MYH15: variants seen among roughly 807,000 people sequenced by gnomAD.
MYH15 encodes the protein myosin-15.
Under a neutral mutation model 240.5 loss-of-function variants are expected in MYH15, and 227 were observed. That is an observed-to-expected ratio of 0.94 (90% confidence interval 0.85 to 1.05). The LOEUF is 1.05. Ranked by LOEUF, MYH15 falls within the 50% of genes least tolerant of loss-of-function variation. The pLI, the probability that MYH15 is intolerant of heterozygous loss-of-function variation, is 0.00. For missense variants in MYH15, 2,217 were observed against 2,247.5 expected, an observed-to-expected ratio of 0.99 and a Z score of 0.27; for synonymous variants, 785 against 796.7, an observed-to-expected ratio of 0.99 and a Z score of 0.25.
At chr3:108,384,807 A>C (rs1421604472) in intron 38 of MYH15, 25 bp from the exon 39 acceptor site, 7 of 1,598,846 alleles carry the variant, frequency 4.4e-6, no homozygotes, top group South Asian at 1.1e-5. Context: ...CATGTATGGG[A>C]AGGTGATTCA....
At chr3:108,436,955 AG>A (rs1337628382) in intron 25 of MYH15, among the ~76,000 whole-genome samples, 15 of 152,234 alleles carry the variant, frequency 9.9e-5, no homozygotes, top group African/African-American at 3.4e-4. Context: ...ACTGACTAGT[AG>A]AACTAAACTG....
chr3:108,443,519 G>A (rs2082901287), intron 22 of MYH15, among the ~76,000 whole-genome samples: 1 of 152,118 alleles, frequency 6.6e-6, no homozygotes, highest in South Asian at 2.1e-4. Flanking sequence ...TAAGTAGAGA[G>A]GAAAGTATTA....
At chr3:108,414,553 A>T in intron 29 of MYH15, 125 bp from the exon 30 acceptor site, 1 of 766,678 alleles carries the variant, frequency 1.3e-6, no homozygotes, top group East Asian at 2.7e-5. Context: ...GCCGAACCTG[A>T]ACCTAGTAAG....
At chr3:108,548,459 G>A in the MYH15 span, among the ~76,000 whole-genome samples, 1 of 152,082 alleles carries the variant, frequency 6.6e-6, no homozygotes, top group Non-Finnish European at 1.5e-5. Context: ...AAGTTTGAAT[G>A]GAACACAGCC....
chr3:108,508,879 C>T (rs967495018), intron 1 of MYH15, among the ~76,000 whole-genome samples: 5 of 152,076 alleles, frequency 3.3e-5, no homozygotes, highest in African/African-American at 7.2e-5. Flanking sequence ...TTTTCCTTCT[C>T]GGGTATCATA....
rs2082336084 is a variant in MYH15 at position 108,380,724 on chromosome 3, C to T, written c.*821G>A. ...GGTCTCTTCTAGCTCCCCTTTTTGG[C>T]CTGGAGTCATATTTTCAAGCTGTCA... On this transcript the variant is annotated 3_prime_UTR_variant, in exon 41 of 41. Transcript: ENST00000693548. 1 of 152,180 alleles carries T rather than the reference C, an allele frequency of 6.6e-6. No homozygotes were observed. The highest frequency in any genetic ancestry group is 2.4e-5 in the African/African-American group (1 of 41,400). The allele number at this position is 152,180 out of a possible 1,614,324, so 9.4% of individuals were successfully genotyped here.
chr3:108,459,179 A>G (rs13091558), intron 18 of MYH15, among the ~76,000 whole-genome samples, 183 bp downstream of exon 18: 35,605 of 152,100 alleles, frequency 0.23, 4,774 homozygotes, highest in Non-Finnish European at 0.3. Context: ...CCTTCTGTAC[A>G]TCCATTTCAA....
At chr3:108,428,361 G>A in intron 27 of MYH15, 131 bp downstream of exon 27, 1 of 1,129,018 alleles carries the variant, frequency 8.9e-7, no homozygotes, top group Non-Finnish European at 1.3e-6. Flanking sequence ...TCCGTCCAAA[G>A]GACTATAGTC....
chr3:108,435,682 T>C (rs185797782), intron 25 of MYH15, among the ~76,000 whole-genome samples: 1 of 121,252 alleles, frequency 8.2e-6, no homozygotes, highest in South Asian at 2.4e-4. Context: ...TGTGTATGTA[T>C]ATTTTATATA....
At chr3:108,508,805 G>A (rs150974416) in intron 1 of MYH15, among the ~76,000 whole-genome samples, 1,954 of 152,094 alleles carry the variant, frequency 0.013, 38 homozygotes, top group African/African-American at 0.045. Context: ...TTTGGCTTTC[G>A]AATGGTGTTT....
chr3:108,517,210 C>T (rs1443529144), intron 1 of MYH15, among the ~76,000 whole-genome samples: 3 of 152,186 alleles, frequency 2.0e-5, no homozygotes, highest in African/African-American at 4.8e-5. Context: ...TATCTCCCAG[C>T]GTTTGCTGGC....
At chr3:108,515,258 T>C (rs780022938), upstream of MYH15, among the ~76,000 whole-genome samples, 15 of 152,168 alleles carry the variant, frequency 9.9e-5, no homozygotes, top group Non-Finnish European at 2.1e-4. Context: ...TTTGCTTGAA[T>C]GGAGTGATGC....
At chr3:108,547,192 C>T in the MYH15 span, among the ~76,000 whole-genome samples, 2 of 151,886 alleles carry the variant, frequency 1.3e-5, no homozygotes, top group South Asian at 2.1e-4. Context: ...TTTGTGGAGA[C>T]GTGTGTCACT....
At chr3:108,445,990 T>G (rs909386342) in intron 21 of MYH15, among the ~76,000 whole-genome samples, 1 of 151,936 alleles carries the variant, frequency 6.6e-6, no homozygotes, top group Non-Finnish European at 1.5e-5. Context: ...AGCTCCAGAC[T>G]CCAGGATGAC....
intron 2 of MYH15, among the ~76,000 whole-genome samples, chr3:108,505,451 G>A (rs769263052): frequency 1.4e-4 from 21 of 151,956 alleles, no homozygotes; most frequent in Non-Finnish European, 2.8e-4. Flanking sequence ...TGTATTTTTT[G>A]TAGATACAGG....
At chr3:108,447,207 G>A (rs2082935723) in intron 21 of MYH15, among the ~76,000 whole-genome samples, 1 of 151,230 alleles carries the variant, frequency 6.6e-6, no homozygotes, top group African/African-American at 2.4e-5. Context: ...AAAGAATGAA[G>A]AATGCCTACA....
At chr3:108,455,686 G>C in intron 20 of MYH15, 50 bp downstream of exon 20, 1 of 1,592,560 alleles carries the variant, frequency 6.3e-7, no homozygotes, top group Non-Finnish European at 8.6e-7. Context: ...AAGATACACA[G>C]TCTTCCCCCC....
At chr3:108,408,715 C>T (rs528866153) in intron 31 of MYH15, among the ~76,000 whole-genome samples, 1 of 152,302 alleles carries the variant, frequency 6.6e-6, no homozygotes, top group South Asian at 2.1e-4. Flanking sequence ...TTCCAGGTTC[C>T]ACCTGGAGGA....
chr3:108,387,603 T>C (rs1261808775), intron 38 of MYH15, among the ~76,000 whole-genome samples: 1 of 152,104 alleles, frequency 6.6e-6, no homozygotes, highest in Non-Finnish European at 1.5e-5. Flanking sequence ...GAAGAATCAA[T>C]GGGAAAATAA....
Sources: gnomAD v4.1 joint callset for allele counts (sites outside exome capture counted in the v4.1 genomes callset) on GRCh38, gnomAD v4.1.1 for gene constraint, MANE v1.5 for transcripts, NCBI Gene and HGNC (gene_info 2026-07-23, HGNC 2026-07-21) for gene names.